Variants in ADARB2 observed in about 807,000 individuals in gnomAD.
ADARB2 encodes the protein adenosine deaminase RNA specific B2 (inactive).
A neutral mutation model predicts 62.2 loss-of-function variants in ADARB2; 25 were observed. The ratio of observed to expected loss-of-function variants is 0.40; its 90% CI spans 0.29 to 0.56. The LOEUF is 0.56. Among genes scored for constraint, ADARB2 ranks in the 20% least tolerant of loss-of-function variants. ADARB2 has a pLI of 0.43. For synonymous variants in ADARB2, 572 were observed against 500.8 expected, an observed-to-expected ratio of 1.14 and a Z score of -1.90; for missense variants, 1,071 against 1,077.4, an observed-to-expected ratio of 0.99 and a Z score of 0.08.
chr10:1,625,687 C>T lies in ADARB2; in HGVS notation c.100+111364G>A, dbSNP rs1047450301. On this transcript the variant is annotated intron_variant, in intron 1 of 9. Coordinates refer to ENST00000381312, the MANE Select transcript of ADARB2 (RefSeq NM_018702.4). ...TGACACATGTCCACTGACCATCAGACAGCAGACATGCCCTGGAATGACAGC... is the reference window on the plus strand; with the variant it reads ...TGACACATGTCCACTGACCATCAGATAGCAGACATGCCCTGGAATGACAGC... Among the ~76,000 whole-genome samples the T allele has an allele frequency of 2.0e-5, 3 of 152,180 alleles. No homozygotes were observed. In the East Asian group the frequency reaches 5.8e-4, roughly 29 times the overall value.
chr10:1,294,704 T>A (rs1333949014), intron 3 of ADARB2, among the ~76,000 whole-genome samples: 1 of 152,158 alleles, frequency 6.6e-6, no homozygotes, highest in African/African-American at 2.4e-5. Context: ...AGCTCATTAT[T>A]ACACCTGTGA....
intron 3 of ADARB2, 84 bp downstream of exon 3, chr10:1,362,944 A>T: frequency 8.3e-7 from 1 of 1,201,292 alleles, no homozygotes; most frequent in Non-Finnish European, 1.1e-6. Flanking sequence ...AGAAGCCTGG[A>T]CGCCACTCCC....
chr10:1,462,531 CTGTG>C (rs549225851), intron 1 of ADARB2, among the ~76,000 whole-genome samples: 98 of 152,084 alleles, frequency 6.4e-4, no homozygotes, highest in South Asian at 1.5e-3. Context: ...CTGTATGTGC[CTGTG>C]TGTATGTACA....
chr10:1,416,959 AC>A (rs990451418), intron 1 of ADARB2, among the ~76,000 whole-genome samples: 3 of 152,044 alleles, frequency 2.0e-5, no homozygotes, highest in Admixed American at 1.3e-4. Context: ...GAGACATCAG[AC>A]CCCCCGGCTT....
chr10:1,666,779 A>G (rs1429181494), intron 1 of ADARB2, among the ~76,000 whole-genome samples: 2 of 152,094 alleles, frequency 1.3e-5, no homozygotes, highest in Non-Finnish European at 1.5e-5. Flanking sequence ...TTATATCTGA[A>G]AGACTCTGAG....
chr10:1,232,511 ATGTGCTG>A (rs1324892209), intron 6 of ADARB2, among the ~76,000 whole-genome samples: 35 of 148,618 alleles, frequency 2.4e-4, no homozygotes, highest in African/African-American at 7.8e-4. Context: ...TGTATGTGGT[ATGTGCTG>A]TGTGTGATGT....
intron 1 of ADARB2, 46 bp from the exon 2 acceptor site, chr10:1,379,206 G>T: frequency 6.8e-7 from 1 of 1,472,624 alleles, no homozygotes; most frequent in Non-Finnish European, 9.5e-7. Context: ...TGGAGTTGCG[G>T]AAAAACTCAA....
intron 5 of ADARB2, 148 bp from the exon 6 acceptor site, chr10:1,233,993 C>T (rs1364683349): frequency 7.2e-5 from 61 of 850,516 alleles, no homozygotes; most frequent in East Asian, 1.3e-4. Context: ...TTTTTTGAGA[C>T]GGAGTCTTGT....
chr10:1,286,250 G>C (rs1230639584), intron 3 of ADARB2, among the ~76,000 whole-genome samples: 1 of 152,180 alleles, frequency 6.6e-6, no homozygotes, highest in Non-Finnish European at 1.5e-5. Context: ...ACACTGCCAG[G>C]AGAGTCCAGC....
intron 1 of ADARB2, among the ~76,000 whole-genome samples, chr10:1,606,006 C>A (rs1050967418): frequency 3.3e-5 from 5 of 152,196 alleles, no homozygotes; most frequent in African/African-American, 1.2e-4. Flanking sequence ...ACGATGTTTA[C>A]CAATCAATTT....
intron 3 of ADARB2, among the ~76,000 whole-genome samples, chr10:1,349,666 T>G (rs146772317): frequency 0.078 from 11,841 of 151,670 alleles, 853 homozygotes; most frequent in African/African-American, 0.19. Context: ...ATCTCTCCCT[T>G]CTCTTAATTT....
intron 3 of ADARB2, among the ~76,000 whole-genome samples, chr10:1,320,168 T>C (rs1392299811): frequency 6.6e-6 from 1 of 152,224 alleles, no homozygotes; most frequent in Non-Finnish European, 1.5e-5. Flanking sequence ...ATGGAAAGCA[T>C]GCATTGAAGT....
At chr10:1,351,087 G>T (rs1325679300) in intron 3 of ADARB2, among the ~76,000 whole-genome samples, 1 of 152,098 alleles carries the variant, frequency 6.6e-6, no homozygotes, top group Non-Finnish European at 1.5e-5. Flanking sequence ...CCTAAGCCGT[G>T]TCCCATCTGT....
Position 1,463,690 on chromosome 10 carries a change from G to A in ADARB2, c.101-84530C>T, listed in dbSNP as rs1831206771. Among the ~76,000 whole-genome samples the A allele has an allele frequency of 3.3e-5, 5 of 152,348 alleles. 1 individual carries two copies. The South Asian group carries it at 1.0e-3, about 32-fold the overall frequency. On this transcript the variant is annotated intron_variant, in intron 1 of 9. Coordinates refer to ENST00000381312, the MANE Select transcript of ADARB2 (RefSeq NM_018702.4). ...CGTAGCTTAAGATTCAACTTAAATA[G>A]TTTGGGCCTTACTAAGAACTTGTGC...
chr10:1,414,761 C>T (rs1368919602), intron 1 of ADARB2, among the ~76,000 whole-genome samples: 2 of 152,236 alleles, frequency 1.3e-5, no homozygotes, highest in East Asian at 1.9e-4. Context: ...TTTGACTCCA[C>T]TGGACTTTGT....
chr10:1,376,785 G>A (rs924062261), intron 2 of ADARB2, among the ~76,000 whole-genome samples: 8 of 150,960 alleles, frequency 5.3e-5, no homozygotes, highest in Non-Finnish European at 7.4e-5. Context: ...GCAGCTCCAG[G>A]TGTGGAAGAG....
In ADARB2 at chr10:1,301,507, T is replaced by C. The variant is rs554099935; in HGVS notation, c.1078-30438A>G. On this transcript the variant is annotated intron_variant, in intron 3 of 9. Transcript: ENST00000381312. ...TCAATCAATGCCCAATATAAAACCG[T>C]TAAGAAAATCAACCTTAAACAGAAA... Among the ~76,000 whole-genome samples the C allele has an allele frequency of 6.6e-5, 10 of 152,320 alleles. No individual in the cohort carries two copies. In the South Asian group the frequency reaches 2.1e-3, roughly 32 times the overall value.
chr10:1,735,158 T>C (rs1434445723), intron 1 of ADARB2, among the ~76,000 whole-genome samples: 1 of 152,220 alleles, frequency 6.6e-6, no homozygotes, highest in Admixed American at 6.5e-5. Context: ...GAAATCAGTG[T>C]ACAAAACCTG....
chr10:1,264,072 G>A (rs553822371), intron 4 of ADARB2, among the ~76,000 whole-genome samples: 2 of 151,850 alleles, frequency 1.3e-5, no homozygotes, highest in Non-Finnish European at 2.9e-5. Context: ...GTCGGCCTCC[G>A]TGAATCTTAA....
Sources: allele counts gnomAD v4.1 joint callset (sites outside exome capture counted in the v4.1 genomes callset), GRCh38; gene constraint gnomAD v4.1.1; transcripts MANE v1.5; gene names NCBI Gene and HGNC (gene_info 2026-07-23, HGNC 2026-07-21).